CDHR3: variants seen among roughly 807,000 people sequenced by gnomAD.
CDHR3 encodes cadherin related family member 3, also known as cadherin-related family member 3.
A neutral mutation model predicts 86.6 loss-of-function variants in CDHR3; 79 were observed. The observed-to-expected ratio is 0.91, with a 90% CI of 0.76 to 1.10. CDHR3 has a LOEUF of 1.10. Ranked by LOEUF, CDHR3 falls within the 50% of genes least tolerant of loss-of-function variation. CDHR3 has a pLI of 0.00. For missense variants in CDHR3, 1,081 were observed against 1,077.6 expected, an observed-to-expected ratio of 1.00 and a Z score of -0.04; for synonymous variants, 421 against 402.4, an observed-to-expected ratio of 1.05 and a Z score of -0.55.
At chr7:106,010,711 A>G (rs1021516198) in intron 8 of CDHR3, among the ~76,000 whole-genome samples, 11 of 152,246 alleles carry the variant, frequency 7.2e-5, no homozygotes, top group African/African-American at 2.7e-4. Flanking sequence ...TGTATGCTCC[A>G]AGAACCAGAT....
chr7:106,016,948 G>T (rs1382934576), intron 11 of CDHR3, among the ~76,000 whole-genome samples: 3 of 152,152 alleles, frequency 2.0e-5, no homozygotes, highest in African/African-American at 2.4e-5. Flanking sequence ...AAAAGAGAAG[G>T]TTCTGCCCTT....
chr7:106,032,691 A>T lies in CDHR3; in HGVS notation c.2652A>T (p.Gly884=). The T allele has an allele frequency of 6.2e-7, 1 of 1,610,364 alleles. No individual in the cohort carries two copies. The highest frequency in any genetic ancestry group is 8.5e-7 in the Non-Finnish European group (1 of 1,177,686). The stretch of plus-strand genomic sequence containing the variant: ...GGGCTTACCCCAAACCACACCCAGG[A>T]AAGTAAACGGGGTCTAAGGAGGGGC... The part of the protein sequence containing the change: ...MNRAYPKPHP[G]K Residue 884 remains glycine, a synonymous_variant, in exon 19 of 19, where the codon GGA becomes GGT. Transcript: ENST00000317716.
At chr7:105,978,844 C>T (rs937921628) in intron 2 of CDHR3, among the ~76,000 whole-genome samples, 1 of 151,986 alleles carries the variant, frequency 6.6e-6, no homozygotes, top group Non-Finnish European at 1.5e-5. Flanking sequence ...GAGCTACTCC[C>T]CAAGGAGAAG....
At chr7:105,965,924 C>T (rs932720919) in intron 1 of CDHR3, among the ~76,000 whole-genome samples, 27 of 152,116 alleles carry the variant, frequency 1.8e-4, no homozygotes, top group South Asian at 4.1e-4. Context: ...TTTACTGATA[C>T]ACCCCAAATG....
At chr7:106,028,162 TAAAATAAAATAAAATAAAAG>T (rs1376672465) in intron 16 of CDHR3, among the ~76,000 whole-genome samples, 31 of 132,008 alleles carry the variant, frequency 2.3e-4, no homozygotes, top group South Asian at 9.3e-4. Context: ...TAAAATAAAA[TAAAATAAAATAAAATAAAAG>T]GGCTTGGGAA....
Position 106,024,438 on chromosome 7 carries a change from G to C in CDHR3, c.2134G>C (p.Val712Leu), listed in dbSNP as rs116446744. ...KNVYSPSAWY[V>L]PFVITLGSIL... ...CGTTTACTCTCCATCTGCATGGTAC[G>C]TGCCGTTTGTCATCACTTTGGGCTC... The change falls in exon 15 of 19, where the codon GTG (valine) becomes CTG (leucine). Residue 712 changes from valine (V) to leucine (L), a missense_variant. By Grantham distance (32) the Val-to-Leu change is conservative. Transcript: ENST00000317716. 2 of 1,613,978 alleles carry C rather than the reference G, an allele frequency of 1.2e-6. No homozygotes were observed. The highest frequency in any genetic ancestry group is 2.2e-5 in the East Asian group (1 of 44,884).
In CDHR3 at chr7:106,030,531, C is replaced by T. The variant is rs1838173372; in HGVS notation, c.2305-261C>T. The stretch of plus-strand genomic sequence containing the variant: ...AATGTCCCCTCTACCCCTACCTGTG[C>T]CCCATAACACCCTATATCTCCCCAT... On this transcript the variant is annotated intron_variant, in intron 17 of 18. Transcript: ENST00000317716. This position sits in a 1 kb window ranked among gnomAD's most constrained non-coding sequence, Gnocchi z 4.8. Among the ~76,000 whole-genome samples the T allele has an allele frequency of 6.6e-6, 1 of 152,214 alleles. No individual in the cohort carries two copies. The highest frequency in any genetic ancestry group is 1.5e-5 in the Non-Finnish European group (1 of 68,034).
At chr7:106,020,096 A>G (rs1836329866) in intron 12 of CDHR3, among the ~76,000 whole-genome samples, 1 of 152,334 alleles carries the variant, frequency 6.6e-6, no homozygotes, top group East Asian at 1.9e-4. Context: ...ACACACATGC[A>G]TATGGTGTAG....
At chr7:106,009,668 G>T (rs1365225775) in intron 8 of CDHR3, among the ~76,000 whole-genome samples, 1 of 152,140 alleles carries the variant, frequency 6.6e-6, no homozygotes, top group Non-Finnish European at 1.5e-5. Context: ...GCCCCCTGCT[G>T]CCCGCGCGGG....
At chr7:105,987,303 A>G (rs1354713770) in intron 4 of CDHR3, among the ~76,000 whole-genome samples, 1 of 152,234 alleles carries the variant, frequency 6.6e-6, no homozygotes, top group Non-Finnish European at 1.5e-5. Flanking sequence ...TCAGAGTTGC[A>G]GCAGAAATTG....
intron 4 of CDHR3, among the ~76,000 whole-genome samples, chr7:105,988,027 A>G (rs1830778510): frequency 6.6e-6 from 1 of 152,070 alleles, no homozygotes; most frequent in Non-Finnish European, 1.5e-5. Flanking sequence ...AGTAGCTGGG[A>G]CTACAGGTGC....
intron 13 of CDHR3, among the ~76,000 whole-genome samples, chr7:106,020,858 C>T (rs1162782873): frequency 6.6e-6 from 1 of 152,144 alleles, no homozygotes; most frequent in East Asian, 1.9e-4. Flanking sequence ...CCTGGCACTC[C>T]TCTCAGTTTC....
intron 12 of CDHR3, among the ~76,000 whole-genome samples, chr7:106,019,944 G>A (rs1450894261): frequency 6.6e-6 from 1 of 152,218 alleles, no homozygotes; most frequent in African/African-American, 2.4e-5. Flanking sequence ...AGGGGCAGCA[G>A]GCAAGGTGGC....
chr7:106,026,015 C>T (rs1477299646), intron 15 of CDHR3, among the ~76,000 whole-genome samples: 1 of 152,204 alleles, frequency 6.6e-6, no homozygotes, highest in African/African-American at 2.4e-5. Flanking sequence ...GTTAAATATG[C>T]ACCTTGAACC....
At chr7:106,018,563 G>A (rs1585802232) in intron 12 of CDHR3, among the ~76,000 whole-genome samples, 2 of 152,076 alleles carry the variant, frequency 1.3e-5, no homozygotes, top group East Asian at 1.9e-4. Flanking sequence ...CCAAGTTTGC[G>A]GGTGACTGAC....
chr7:106,020,607 A>AG, intron 13 of CDHR3, 63 bp downstream of exon 13: 1 of 1,548,892 alleles, frequency 6.5e-7, no homozygotes, highest in Non-Finnish European at 8.8e-7. Flanking sequence ...TGTCTAGGGT[A>AG]GGGGTCTGTG....
chr7:105,990,308 AGAACAAT>A (rs1166333663), intron 4 of CDHR3, among the ~76,000 whole-genome samples: 10 of 152,206 alleles, frequency 6.6e-5, no homozygotes, highest in African/African-American at 2.4e-4. Flanking sequence ...GCTCATCCTC[AGAACAAT>A]GAACCACGAG....
intron 1 of CDHR3, among the ~76,000 whole-genome samples, chr7:105,964,848 A>G (rs1289293644): frequency 6.6e-6 from 1 of 152,168 alleles, no homozygotes; most frequent in East Asian, 1.9e-4. Context: ...AGAGGGCAGG[A>G]TGACCTGTGA....
intron 4 of CDHR3, among the ~76,000 whole-genome samples, chr7:105,989,321 C>T (rs762524972): frequency 1.3e-5 from 2 of 150,864 alleles, no homozygotes; most frequent in Non-Finnish European, 2.9e-5. Context: ...AAATGGCCAC[C>T]GTGACTGCAG....
Sources: gnomAD v4.1 joint callset for allele counts (sites outside exome capture counted in the v4.1 genomes callset) on GRCh38, gnomAD v4.1.1 for gene constraint, Gnocchi (gnomAD v3.1) non-coding constraint, MANE v1.5 for transcripts, NCBI Gene and HGNC (gene_info 2026-07-23, HGNC 2026-07-21) for gene names.